FHIT: variants seen among roughly 807,000 people sequenced by gnomAD.
FHIT encodes the protein bis(5'-adenosyl)-triphosphatase.
In FHIT, 19 loss-of-function variants were observed where a neutral mutation model predicts 17.9. That is an observed-to-expected ratio of 1.06 (90% CI 0.74 to 1.56). The LOEUF is 1.56. Among genes scored for constraint, FHIT ranks in the 40% most tolerant of loss-of-function variants. The pLI, the probability that FHIT is intolerant of heterozygous loss-of-function variation, is 0.00. For synonymous variants in FHIT, 81 were observed against 69.7 expected, an observed-to-expected ratio of 1.16 and a Z score of -0.81; for missense variants, 248 against 189.2, an observed-to-expected ratio of 1.31 and a Z score of -1.82.
chr3:60,669,823 C>A (rs1281038335), intron 4 of FHIT, among the ~76,000 whole-genome samples: 1 of 152,152 alleles, frequency 6.6e-6, no homozygotes, highest in Non-Finnish European at 1.5e-5. Context: ...GGAAGAGACC[C>A]TGGGCAATTG....
chr3:60,333,793 C>T (rs1222561822), intron 5 of FHIT, among the ~76,000 whole-genome samples: 1 of 152,076 alleles, frequency 6.6e-6, no homozygotes, highest in African/African-American at 2.4e-5. Context: ...CTCAAGAAAC[C>T]AACCGTCAGG....
At chr3:60,228,527 A>T (rs1412780564) in intron 5 of FHIT, among the ~76,000 whole-genome samples, 1 of 152,198 alleles carries the variant, frequency 6.6e-6, no homozygotes. Context: ...ACACACATCC[A>T]TGGCTCTGGA....
intron 4 of FHIT, among the ~76,000 whole-genome samples, chr3:60,636,086 A>T (rs112774299): frequency 1.4e-5 from 2 of 140,408 alleles, no homozygotes; most frequent in African/African-American, 5.1e-5. Flanking sequence ...TTTTTTTGAG[A>T]CAGAGTCTTG....
intron 5 of FHIT, among the ~76,000 whole-genome samples, chr3:60,307,273 C>T (rs1196323984): frequency 6.6e-6 from 1 of 152,112 alleles, no homozygotes; most frequent in Non-Finnish European, 1.5e-5. Context: ...TCAGTAAATT[C>T]GCCTGCCACA....
At chr3:60,148,977 T>G (rs960297738) in intron 5 of FHIT, among the ~76,000 whole-genome samples, 1 of 152,186 alleles carries the variant, frequency 6.6e-6, no homozygotes, top group Admixed American at 6.5e-5. Flanking sequence ...CCTTTGAGCA[T>G]GCCTCCTTCC....
intron 5 of FHIT, among the ~76,000 whole-genome samples, chr3:60,446,642 A>G (rs1219613216): frequency 6.6e-6 from 1 of 152,072 alleles, no homozygotes; most frequent in Non-Finnish European, 1.5e-5. Context: ...GCTTGAAGCC[A>G]GGAGTTCAAG....
intron 8 of FHIT, among the ~76,000 whole-genome samples, chr3:59,901,019 G>C (rs535180985): frequency 8.9e-4 from 135 of 152,246 alleles, no homozygotes; most frequent in African/African-American, 3.1e-3. Flanking sequence ...AGAAGCAAAA[G>C]TTTTCTTACT....
chr3:60,238,982 T>G (rs1206785134), intron 5 of FHIT, among the ~76,000 whole-genome samples: 1 of 152,128 alleles, frequency 6.6e-6, no homozygotes, highest in African/African-American at 2.4e-5. Context: ...CCATAGATAA[T>G]TGAAGAAAAT....
At chr3:59,937,336 T>C (rs1349577761) in intron 7 of FHIT, among the ~76,000 whole-genome samples, 2 of 152,154 alleles carry the variant, frequency 1.3e-5, no homozygotes, top group Non-Finnish European at 2.9e-5. Context: ...AAAGGACCCT[T>C]CACAGTGTGA....
intron 5 of FHIT, among the ~76,000 whole-genome samples, chr3:60,136,074 C>A (rs1039302842): frequency 6.6e-6 from 1 of 152,174 alleles, no homozygotes; most frequent in Non-Finnish European, 1.5e-5. Context: ...AGTACAGAGT[C>A]TAGACTTGCT....
rs146653188 is a variant in FHIT, at chr3:60,029,317, G to A, written c.104-15165C>T. Among the ~76,000 whole-genome samples the A allele has an allele frequency of 5.5e-4, 83 of 152,246 alleles. 1 individual carries two copies. In the East Asian group the frequency reaches 0.014, roughly 25 times the overall value. On this transcript the variant is annotated intron_variant, in intron 5 of 9. Transcript: ENST00000492590. Reference sequence around the variant, plus strand: ...CCCACACTGCTGTATAAGATGAGGGGTACTTGTACTTCCAATGTGTTAAAA... The same window carrying A: ...CCCACACTGCTGTATAAGATGAGGGATACTTGTACTTCCAATGTGTTAAAA...
chr3:59,976,403 A>C (rs977421141), intron 7 of FHIT, among the ~76,000 whole-genome samples: 12 of 152,010 alleles, frequency 7.9e-5, no homozygotes, highest in Admixed American at 5.9e-4. Flanking sequence ...CAAAAAACAC[A>C]AACAAACAAA....
At chr3:59,878,563 T>C (rs1159638486) in intron 8 of FHIT, among the ~76,000 whole-genome samples, 3 of 152,128 alleles carry the variant, frequency 2.0e-5, no homozygotes, top group South Asian at 2.1e-4. Flanking sequence ...CTTTCTCAAA[T>C]ACACTCACCC....
intron 4 of FHIT, among the ~76,000 whole-genome samples, chr3:60,804,721 G>C (rs1281172662): frequency 5.9e-5 from 9 of 152,138 alleles, no homozygotes; most frequent in Middle Eastern, 3.2e-3. Flanking sequence ...TAAACTTCTA[G>C]AGATTCAACC....
chr3:60,764,539 A>C (rs1265993354), intron 4 of FHIT, among the ~76,000 whole-genome samples: 3 of 152,142 alleles, frequency 2.0e-5, no homozygotes, highest in Non-Finnish European at 4.4e-5. Context: ...AAAGAGCAAT[A>C]CCCAGGAAAA....
At chr3:60,097,863 C>A (rs867658568) in intron 5 of FHIT, among the ~76,000 whole-genome samples, 2 of 114,996 alleles carry the variant, frequency 1.7e-5, no homozygotes, top group East Asian at 3.0e-4. Flanking sequence ...ATCCCTCCCC[C>A]CGCCCCCCAC....
At chr3:60,088,139 G>A (rs564636308) in intron 5 of FHIT, among the ~76,000 whole-genome samples, 1 of 152,298 alleles carries the variant, frequency 6.6e-6, no homozygotes, top group South Asian at 2.1e-4. Flanking sequence ...CAAGGTGCTA[G>A]TCTCTTTTCA....
intron 4 of FHIT, among the ~76,000 whole-genome samples, chr3:60,566,090 C>A (rs2107652483): frequency 6.6e-6 from 1 of 152,170 alleles, no homozygotes; most frequent in South Asian, 2.1e-4. Context: ...TTTCTTAATC[C>A]TGAATTCTAG....
rs563992117 is a variant in FHIT, at chr3:60,534,439, C to CA, written c.103+2420dup. Among the ~76,000 whole-genome samples the CA allele has an allele frequency of 4.4e-3, 141 of 32,364 alleles. 7 individuals carry two copies. Among genetic ancestry groups the CA allele is most frequent in the African/African-American group, 9.6e-3 (74 of 7,734 alleles). 21.2% of individuals were successfully genotyped at this position (32,364 alleles called of 152,430 possible). On this transcript the variant is annotated intron_variant, in intron 5 of 9. Transcript: ENST00000492590. ...TGGGCGACAGAGCGAGACTCCGTCT[C>CA]AAAAAAAAAAAAAAAAAAAAAAAAG...
Sources: gnomAD v4.1 joint callset for allele counts (sites outside exome capture counted in the v4.1 genomes callset) on GRCh38, gnomAD v4.1.1 for gene constraint, MANE v1.5 for transcripts, NCBI Gene and HGNC (gene_info 2026-07-23, HGNC 2026-07-21) for gene names.